SLC23A2: variants seen among roughly 807,000 people sequenced by gnomAD.
SLC23A2 encodes Na(+)/L-ascorbic acid transporter 2.
A neutral mutation model predicts 73.3 loss-of-function variants in SLC23A2; 36 were observed. The observed-to-expected ratio is 0.49, with a 90% confidence interval of 0.38 to 0.65. The LOEUF (loss-of-function observed/expected upper bound fraction) is 0.65, where lower values mean the gene tolerates loss of function less well. Among genes scored for constraint, SLC23A2 ranks in the 30% least tolerant of loss-of-function variants. The pLI is 0.00. For synonymous variants in SLC23A2, 343 were observed against 327.3 expected (o/e 1.05, Z -0.52); for missense variants, 507 against 841.6 (o/e 0.60, Z 4.92).
Position 4,921,482 on chromosome 20 carries a change from A to G in SLC23A2, c.109-8504T>C, listed in dbSNP as rs1405718609. ...ATGCCTGTAGTCCCAGCTACCCAAG[A>G]GGCTGAAGTGGGAGGATCACTTGAG... On this transcript the variant is annotated intron_variant, in intron 3 of 16. Transcript: ENST00000338244. Among the ~76,000 whole-genome samples the G allele has an allele frequency of 2.6e-5, 4 of 152,076 alleles. No individual in the cohort carries two copies. In the East Asian group the frequency reaches 7.7e-4, roughly 29 times the overall value.
At chr20:5,005,044 T>A (rs1318526366), upstream of SLC23A2, among the ~76,000 whole-genome samples, 2 of 140,488 alleles carry the variant, frequency 1.4e-5, no homozygotes, top group Admixed American at 1.4e-4. Flanking sequence ...AATAAAAATT[T>A]AATAGCTAAA....
chr20:4,871,874 T>G (rs572786667), intron 11 of SLC23A2, among the ~76,000 whole-genome samples: 83 of 152,316 alleles, frequency 5.4e-4, no homozygotes, highest in African/African-American at 2.0e-3. Flanking sequence ...TGTTATCTTG[T>G]TATTGTTGTA....
chr20:4,879,542 T>C (rs1930798758), intron 9 of SLC23A2, among the ~76,000 whole-genome samples: 1 of 151,756 alleles, frequency 6.6e-6, no homozygotes, highest in Non-Finnish European at 1.5e-5. Context: ...AAGACCTTAT[T>C]AATAAAATCT....
chr20:4,937,947 C>T (rs1304210076), intron 2 of SLC23A2, among the ~76,000 whole-genome samples: 1 of 152,148 alleles, frequency 6.6e-6, no homozygotes, highest in Non-Finnish European at 1.5e-5. Flanking sequence ...CTTCTATTCA[C>T]CTGCATGGCT....
At chr20:4,909,570 T>C (rs1051652099) in intron 4 of SLC23A2, among the ~76,000 whole-genome samples, 1 of 151,986 alleles carries the variant, frequency 6.6e-6, no homozygotes, top group Non-Finnish European at 1.5e-5. Context: ...GTCTCTTTTG[T>C]TTTGAGACAG....
In SLC23A2 at chr20:4,992,925, G is replaced by A. The variant is rs1258832621; in HGVS notation, c.-282+8481C>T. Among the ~76,000 whole-genome samples, 6 of 152,070 alleles carry A rather than the reference G, an allele frequency of 3.9e-5. No homozygotes were observed. The South Asian group carries it at 8.3e-4, about 21-fold the overall frequency. On this transcript the variant is annotated intron_variant, in intron 1 of 16. Transcript: ENST00000338244. The stretch of plus-strand genomic sequence containing the variant: ...AATTCAAAAATCCAAAATTTGAAAG[G>A]ATCCAAAATTTGAAAGGCTCCAAAA...
intron 15 of SLC23A2, among the ~76,000 whole-genome samples, chr20:4,860,624 G>C (rs1046680435): frequency 7.9e-5 from 12 of 152,182 alleles, no homozygotes; most frequent in African/African-American, 1.7e-4. Context: ...AATGAGAACT[G>C]ATTGTACTTG....
intron 6 of SLC23A2, among the ~76,000 whole-genome samples, chr20:4,893,651 A>G (rs1343582575): frequency 4.6e-5 from 7 of 152,318 alleles, no homozygotes; most frequent in African/African-American, 1.7e-4. Context: ...CTCTCTCCTT[A>G]GGGCAGACAA....
At chr20:4,914,124 A>G (rs1932248279) in intron 3 of SLC23A2, among the ~76,000 whole-genome samples, 1 of 151,520 alleles carries the variant, frequency 6.6e-6, no homozygotes, top group Non-Finnish European at 1.5e-5. Context: ...GAAATACACT[A>G]AAAGCAAGCA....
At chr20:4,934,283 G>A (rs1442687765) in intron 2 of SLC23A2, among the ~76,000 whole-genome samples, 3 of 152,064 alleles carry the variant, frequency 2.0e-5, no homozygotes, top group Non-Finnish European at 1.5e-5. Flanking sequence ...ATCACAACTC[G>A]GGGAGAGCTA....
intron 1 of SLC23A2, among the ~76,000 whole-genome samples, chr20:4,984,240 T>C (rs923228449): frequency 6.6e-6 from 1 of 152,094 alleles, no homozygotes; most frequent in Admixed American, 6.6e-5. Flanking sequence ...GCCACTGCAC[T>C]CCAGACTGGG....
chr20:4,942,252 A>C (rs944866480), intron 2 of SLC23A2, among the ~76,000 whole-genome samples: 8 of 152,168 alleles, frequency 5.3e-5, no homozygotes, highest in African/African-American at 1.9e-4. Context: ...TTTGGGTTTC[A>C]GAAGAGAGTG....
intron 2 of SLC23A2, among the ~76,000 whole-genome samples, chr20:4,964,537 T>C (rs2087443202): frequency 6.6e-6 from 1 of 152,180 alleles, no homozygotes; most frequent in African/African-American, 2.4e-5. Context: ...CATTCTTATA[T>C]GAGCATATTA....
At chr20:4,916,826 T>C (rs1165268584) in intron 3 of SLC23A2, among the ~76,000 whole-genome samples, 2 of 152,170 alleles carry the variant, frequency 1.3e-5, no homozygotes, top group East Asian at 1.9e-4. Context: ...CACTTCACCA[T>C]AAAATAGGCT....
At chr20:4,924,684 C>G (rs928652431) in intron 3 of SLC23A2, among the ~76,000 whole-genome samples, 15 of 152,230 alleles carry the variant, frequency 9.9e-5, no homozygotes, top group African/African-American at 3.4e-4. Flanking sequence ...TGCTGTGGGG[C>G]CTTTGCCCTT....
At chr20:4,988,250 C>T (rs1459080053) in intron 1 of SLC23A2, among the ~76,000 whole-genome samples, 1 of 151,398 alleles carries the variant, frequency 6.6e-6, no homozygotes, top group Non-Finnish European at 1.5e-5. Context: ...TGCAGTGAGC[C>T]AAGATCACAC....
intron 15 of SLC23A2, among the ~76,000 whole-genome samples, chr20:4,859,710 T>TA (rs34104667): frequency 1.5e-4 from 22 of 150,618 alleles, no homozygotes; most frequent in African/African-American, 3.4e-4. Context: ...AAATTCTAAA[T>TA]AAAAAAAAAT....
chr20:4,956,896 C>T (rs1356418069), intron 2 of SLC23A2, among the ~76,000 whole-genome samples: 2 of 151,048 alleles, frequency 1.3e-5, no homozygotes, highest in African/African-American at 2.4e-5. Flanking sequence ...CAACCTCTGC[C>T]TTCTGGGTTC....
intron 1 of SLC23A2, among the ~76,000 whole-genome samples, chr20:4,979,101 T>A (rs919158583): frequency 6.6e-6 from 1 of 152,118 alleles, no homozygotes; most frequent in African/African-American, 2.4e-5. Context: ...GAGACCAGCC[T>A]GGCCAACATG....
Sources: gnomAD v4.1 joint callset for allele counts (sites outside exome capture counted in the v4.1 genomes callset) on GRCh38, gnomAD v4.1.1 for gene constraint, MANE v1.5 for transcripts, NCBI Gene and HGNC (gene_info 2026-07-23, HGNC 2026-07-21) for gene names.